CCDC85A: variants seen among roughly 807,000 people sequenced by gnomAD.
CCDC85A encodes coiled-coil domain-containing protein 85A.
A neutral mutation model predicts 50.2 loss-of-function variants in CCDC85A; 38 were observed. The observed-to-expected ratio is 0.76, with a 90% CI of 0.58 to 0.99. The LOEUF (loss-of-function observed/expected upper bound fraction) is 0.99. CCDC85A is among the 50% of genes least tolerant of loss of function. The pLI is 0.00. For synonymous variants in CCDC85A, 366 were observed against 301.4 expected (o/e 1.21, Z -2.22); for missense variants, 820 against 742.0 (o/e 1.11, Z -1.22).
At chr2:56,249,524 C>G (rs541431462) in intron 2 of CCDC85A, among the ~76,000 whole-genome samples, 288 of 152,354 alleles carry the variant, frequency 1.9e-3, no homozygotes, top group Non-Finnish European at 3.2e-3. Context: ...TCAGAAGACA[C>G]ACTGTGGAAG....
intron 3 of CCDC85A, among the ~76,000 whole-genome samples, chr2:56,370,617 ATTG>A (rs1249834191): frequency 6.6e-6 from 1 of 152,086 alleles, no homozygotes; most frequent in Non-Finnish European, 1.5e-5. Flanking sequence ...AAGTATAGCT[ATTG>A]TTTTATGTAG....
At chr2:56,290,743 T>C (rs1335378387) in intron 2 of CCDC85A, among the ~76,000 whole-genome samples, 1 of 152,230 alleles carries the variant, frequency 6.6e-6, no homozygotes, top group East Asian at 1.9e-4. Context: ...GAAAACTACA[T>C]TTGGCACTTT....
intron 2 of CCDC85A, among the ~76,000 whole-genome samples, chr2:56,219,296 G>A (rs966315664): frequency 6.7e-5 from 10 of 149,728 alleles, no homozygotes; most frequent in African/African-American, 2.5e-4. Context: ...TAATCATGGA[G>A]AAACAGTCTA....
intron 1 of CCDC85A, among the ~76,000 whole-genome samples, chr2:56,188,692 A>G (rs1676157268): frequency 6.6e-6 from 1 of 152,222 alleles, no homozygotes; most frequent in Non-Finnish European, 1.5e-5. Context: ...CATCAGTATC[A>G]AGGGATAGTT....
intron 2 of CCDC85A, among the ~76,000 whole-genome samples, chr2:56,259,776 A>G (rs1670143290): frequency 6.6e-6 from 1 of 152,184 alleles, no homozygotes; most frequent in East Asian, 1.9e-4. Context: ...AAAACCAGGA[A>G]GCTTCTTTGT....
chr2:56,333,361 C>T (rs1673909740), intron 2 of CCDC85A, among the ~76,000 whole-genome samples: 1 of 152,108 alleles, frequency 6.6e-6, no homozygotes, highest in East Asian at 1.9e-4. Context: ...AGGCAAAGTT[C>T]ATGAGGCAAG....
chr2:56,209,239 C>T (rs1260782237), intron 2 of CCDC85A, among the ~76,000 whole-genome samples: 4 of 152,060 alleles, frequency 2.6e-5, no homozygotes, highest in East Asian at 1.9e-4. Context: ...ATTTGTTGAA[C>T]GCGACCTATT....
intron 2 of CCDC85A, among the ~76,000 whole-genome samples, chr2:56,294,439 TAAATA>T (rs1179515449): frequency 1.3e-5 from 2 of 152,212 alleles, no homozygotes; most frequent in Admixed American, 6.5e-5. Flanking sequence ...TACCATAACT[TAAATA>T]AAATTTTTAA....
chr2:56,200,512 G>C (rs919060352), intron 2 of CCDC85A, among the ~76,000 whole-genome samples: 1 of 152,190 alleles, frequency 6.6e-6, no homozygotes, highest in African/African-American at 2.4e-5. Context: ...ATCTGCAAAA[G>C]AGTGAGGTTC....
rs1033666881 is a variant in CCDC85A, at chr2:56,385,345, C to A, written c.*990C>A. On this transcript the variant is annotated 3_prime_UTR_variant, in exon 6 of 6. Coordinates refer to ENST00000407595, the MANE Select transcript of CCDC85A (RefSeq NM_001080433.2). ...AACATTTTATGAAACTGACGCATGT[C>A]CTTCATTATTGAGGCTAAAAGCTCT... The A allele has an allele frequency of 4.6e-5, 7 of 152,164 alleles. No individual in the cohort carries two copies. Among genetic ancestry groups the A allele is most frequent in the African/African-American group, 1.2e-4 (5 of 41,386 alleles). The allele number at this position is 152,164 out of a possible 1,614,324, so 9.4% of individuals were successfully genotyped here.
rs747423116 is a variant in CCDC85A at position 56,192,934 on chromosome 2, GC to G, written c.737del (p.Pro246ArgfsTer65). ...EHLQKPRSEG[S>X]PEHSKHRSAS... is the part of the protein sequence containing the mutation. Reference sequence around the variant, plus strand: ...CTGCAGAAGCCCCGGAGCGAGGGCAGCCCGGAGCACTCCAAGCACAGGAGCG... The same window carrying G: ...CTGCAGAAGCCCCGGAGCGAGGGCAGCCGGAGCACTCCAAGCACAGGAGCG... On this transcript the variant is annotated frameshift_variant, in exon 2 of 6. Transcript: ENST00000407595. LOFTEE classifies it high-confidence loss of function. The surrounding 1 kb of genome is among the most constrained non-coding windows in gnomAD (Gnocchi z 4.7). 6.2e-7 allele frequency: 1 copy of G among 1,613,092 alleles called. No homozygotes were observed. The highest frequency in any genetic ancestry group is 8.5e-7 in the Non-Finnish European group (1 of 1,179,676).
intron 2 of CCDC85A, among the ~76,000 whole-genome samples, chr2:56,269,334 G>GGTGTGTGTGTGT (rs70955014): frequency 0.054 from 8,073 of 149,216 alleles, 275 homozygotes; most frequent in South Asian, 0.087. Context: ...CCTTGGCAAG[G>GGTGTGTGTGTGT]GTGTGTGTGT....
At chr2:56,312,442 T>C (rs1672739273) in intron 2 of CCDC85A, among the ~76,000 whole-genome samples, 1 of 152,190 alleles carries the variant, frequency 6.6e-6, no homozygotes, top group Admixed American at 6.6e-5. Flanking sequence ...TATTTTGTGA[T>C]GTAGTTACAA....
upstream of CCDC85A, chr2:56,183,962 C>T (rs1369940210): frequency 2.7e-5 from 27 of 985,350 alleles, no homozygotes; most frequent in Non-Finnish European, 3.3e-5. Flanking sequence ...CCAGGCTCCT[C>T]CTCCAGCCGG....
chr2:56,360,276 T>C (rs1220273453), intron 3 of CCDC85A, among the ~76,000 whole-genome samples: 1 of 152,230 alleles, frequency 6.6e-6, no homozygotes, highest in East Asian at 1.9e-4. Context: ...GCAATCAGGC[T>C]TATTAGTCTC....
chr2:56,270,817 C>T (rs2104061601), intron 2 of CCDC85A, among the ~76,000 whole-genome samples: 2 of 152,240 alleles, frequency 1.3e-5, no homozygotes, highest in Non-Finnish European at 2.9e-5. Context: ...CCATGTGATG[C>T]TTCGTAGGCA....
At chr2:56,225,328 A>T (rs1175639101) in intron 2 of CCDC85A, among the ~76,000 whole-genome samples, 1 of 152,104 alleles carries the variant, frequency 6.6e-6, no homozygotes, top group Non-Finnish European at 1.5e-5. Context: ...TGGGAGGCTG[A>T]GGCAGGAGAA....
At chr2:56,352,785 G>T (rs981360760) in intron 3 of CCDC85A, among the ~76,000 whole-genome samples, 12 of 152,212 alleles carry the variant, frequency 7.9e-5, no homozygotes, top group African/African-American at 2.9e-4. Context: ...TGAATTGCTA[G>T]AAATAACACC....
Position 56,201,076 on chromosome 2 carries a change from C to CTCTCCACA in CCDC85A, c.1240+7636_1240+7637insTCTCCACA, listed in dbSNP as rs150330240. On this transcript the variant is annotated intron_variant, in intron 2 of 5. Coordinates refer to ENST00000407595, the MANE Select transcript of CCDC85A (RefSeq NM_001080433.2). ...ACTATTTCAATTATTTCATCTCTCT[C>CTCTCCACA]CACACACACACACACACACACACAC... Among the ~76,000 whole-genome samples, 64 of 147,400 alleles carry CTCTCCACA rather than the reference C, an allele frequency of 4.3e-4. 1 individual carries two copies. Among genetic ancestry groups the CTCTCCACA allele is most frequent in the East Asian group, 4.0e-3 (20 of 4,956 alleles).
Sources: allele counts gnomAD v4.1 joint callset (sites outside exome capture counted in the v4.1 genomes callset), GRCh38; gene constraint gnomAD v4.1.1; non-coding constraint Gnocchi (gnomAD v3.1); transcripts MANE v1.5; gene names NCBI Gene and HGNC (gene_info 2026-07-23, HGNC 2026-07-21).